The following IMMP2L variants were observed in gnomAD, a reference collection of about 807,000 sequenced individuals.
IMMP2L encodes inner mitochondrial membrane peptidase subunit 2, also known as mitochondrial inner membrane protease subunit 2.
A neutral mutation model predicts 19.3 loss-of-function variants in IMMP2L; 18 were observed. The ratio of observed to expected loss-of-function variants is 0.93; its 90% CI spans 0.64 to 1.38. IMMP2L has a LOEUF of 1.38. IMMP2L is among the 40% of genes most tolerant of loss of function. The probability of loss-of-function intolerance (pLI) is 0.00; values close to 1 mark genes in which losing one functional copy is unlikely to be tolerated. For synonymous variants in IMMP2L, 76 were observed against 73.0 expected, an observed-to-expected ratio of 1.04 and a Z score of -0.21; for missense variants, 233 against 218.2, an observed-to-expected ratio of 1.07 and a Z score of -0.43.
intron 5 of IMMP2L, among the ~76,000 whole-genome samples, chr7:110,747,488 CA>C (rs1367136255): frequency 6.6e-6 from 1 of 152,014 alleles, no homozygotes; most frequent in Non-Finnish European, 1.5e-5. Context: ...ACATCGATGT[CA>C]AAATCCTCAA....
At chr7:110,919,297 A>G (rs984074361) in intron 4 of IMMP2L, among the ~76,000 whole-genome samples, 1 of 152,234 alleles carries the variant, frequency 6.6e-6, no homozygotes, top group African/African-American at 2.4e-5. Flanking sequence ...AAATTAAGCC[A>G]TAAGAGACAG....
chr7:111,075,820 C>G (rs539219676), intron 3 of IMMP2L, among the ~76,000 whole-genome samples: 9 of 152,168 alleles, frequency 5.9e-5, no homozygotes, highest in African/African-American at 2.2e-4. Flanking sequence ...GAGCTCCATG[C>G]TTTTATATTT....
At chr7:111,188,157 C>T (rs937443315) in intron 3 of IMMP2L, among the ~76,000 whole-genome samples, 4 of 152,078 alleles carry the variant, frequency 2.6e-5, no homozygotes, top group Non-Finnish European at 5.9e-5. Context: ...GTCTCTGTCA[C>T]AGTGTGGCTT....
At chr7:110,886,740 A>T (rs750911860) in intron 4 of IMMP2L, 45 bp from the exon 5 acceptor site, 6 of 896,520 alleles carry the variant, frequency 6.7e-6, no homozygotes, top group Non-Finnish European at 1.1e-5. Context: ...TAGAAAAGAG[A>T]TCAAACTGCT....
At chr7:110,905,373 T>C (rs1477961886) in intron 4 of IMMP2L, among the ~76,000 whole-genome samples, 2 of 152,166 alleles carry the variant, frequency 1.3e-5, no homozygotes, top group African/African-American at 4.8e-5. Flanking sequence ...AATTAGATTT[T>C]TGAAAACTGT....
intron 5 of IMMP2L, among the ~76,000 whole-genome samples, chr7:110,690,216 C>T (rs548411033): frequency 3.3e-5 from 5 of 152,280 alleles, no homozygotes; most frequent in South Asian, 4.1e-4. Flanking sequence ...GACAGCTTCA[C>T]ATTTTGAGTG....
chr7:110,948,508 T>C (rs1664150299), intron 4 of IMMP2L, among the ~76,000 whole-genome samples: 3 of 152,194 alleles, frequency 2.0e-5, no homozygotes, highest in African/African-American at 7.2e-5. Flanking sequence ...GCTGGGCTTA[T>C]AAAAGAAGCT....
At chr7:111,187,775 A>C (rs965971017) in intron 3 of IMMP2L, among the ~76,000 whole-genome samples, 3 of 152,118 alleles carry the variant, frequency 2.0e-5, no homozygotes, top group African/African-American at 7.2e-5. Flanking sequence ...TTTACAGAGG[A>C]AACTGAAGCA....
intron 5 of IMMP2L, among the ~76,000 whole-genome samples, chr7:110,825,323 T>C (rs565374902): frequency 3.9e-5 from 6 of 152,190 alleles, no homozygotes; most frequent in African/African-American, 7.2e-5. Flanking sequence ...CTTCACAGAA[T>C]TGGAAAAAAC....
chr7:111,334,552 A>T (rs962707889), intron 3 of IMMP2L, among the ~76,000 whole-genome samples: 2 of 152,148 alleles, frequency 1.3e-5, no homozygotes, highest in African/African-American at 2.4e-5. Context: ...ATGAAATTTT[A>T]AAAATAAAAA....
At chr7:111,092,705 T>C (rs192179915) in intron 3 of IMMP2L, among the ~76,000 whole-genome samples, 23 of 152,306 alleles carry the variant, frequency 1.5e-4, no homozygotes, top group Admixed American at 1.4e-3. Flanking sequence ...TAATTTTTAC[T>C]TCCAATCTTG....
At chr7:111,501,153 G>A (rs1484996776) in intron 2 of IMMP2L, among the ~76,000 whole-genome samples, 3 of 152,152 alleles carry the variant, frequency 2.0e-5, no homozygotes, top group Non-Finnish European at 4.4e-5. Context: ...TGAAAGCCAA[G>A]GCTCGAGAAC....
intron 3 of IMMP2L, among the ~76,000 whole-genome samples, chr7:111,019,123 A>T (rs1156589135): frequency 6.6e-6 from 1 of 152,156 alleles, no homozygotes; most frequent in Non-Finnish European, 1.5e-5. Flanking sequence ...AGCACCTAGC[A>T]TAGTGTAAAC....
At chr7:111,018,457 A>G (rs533125429) in intron 3 of IMMP2L, among the ~76,000 whole-genome samples, 56 of 152,318 alleles carry the variant, frequency 3.7e-4, no homozygotes, top group African/African-American at 1.2e-3. Context: ...GAAAAGAAAC[A>G]TTTTCCTTGT....
At chr7:111,400,479 T>C (rs774455111) in intron 3 of IMMP2L, among the ~76,000 whole-genome samples, 5 of 152,056 alleles carry the variant, frequency 3.3e-5, no homozygotes, top group Non-Finnish European at 7.4e-5. Context: ...CTTGGTAATA[T>C]TCCCCTATCC....
chr7:111,295,609 G>A (rs370264543), intron 3 of IMMP2L, among the ~76,000 whole-genome samples: 13 of 151,856 alleles, frequency 8.6e-5, no homozygotes, highest in African/African-American at 2.4e-4. Flanking sequence ...CTTATTATAC[G>A]GTTATTCATA....
chr7:111,288,231 T>G (rs1820710511), intron 3 of IMMP2L, among the ~76,000 whole-genome samples: 1 of 152,128 alleles, frequency 6.6e-6, no homozygotes, highest in Non-Finnish European at 1.5e-5. Flanking sequence ...GAAGAGATAT[T>G]CTATGAAAGA....
chr7:111,536,254 C>G (rs1322641628), intron 1 of IMMP2L, among the ~76,000 whole-genome samples: 1 of 152,024 alleles, frequency 6.6e-6, no homozygotes, highest in African/African-American at 2.4e-5. Context: ...AATAATGTTA[C>G]AAACTACTAA....
chr7:111,405,183 T>C (rs1833806485), intron 3 of IMMP2L, among the ~76,000 whole-genome samples: 1 of 152,108 alleles, frequency 6.6e-6, no homozygotes, highest in Non-Finnish European at 1.5e-5. Context: ...CAATGTGCAA[T>C]GGTGTACTTT....
Sources: gnomAD v4.1 joint callset for allele counts (sites outside exome capture counted in the v4.1 genomes callset) on GRCh38, gnomAD v4.1.1 for gene constraint, MANE v1.5 for transcripts, NCBI Gene and HGNC (gene_info 2026-07-23, HGNC 2026-07-21) for gene names.